RBFOX1: variants seen among roughly 807,000 people sequenced by gnomAD.
RBFOX1 encodes the protein RNA binding fox-1 homolog 1, also known as RNA binding protein fox-1 homolog 1.
RBFOX1 carries 8 observed loss-of-function variants against 57.7 expected under a neutral mutation model. That is an observed-to-expected ratio of 0.14 (90% CI 0.08 to 0.25). RBFOX1 has a LOEUF of 0.25. Among genes scored for constraint, RBFOX1 ranks in the 10% least tolerant of loss-of-function variants. RBFOX1 has a pLI of 1.00. For missense variants in RBFOX1, 611 were observed against 548.5 expected, an observed-to-expected ratio of 1.11 and a Z score of -1.14; for synonymous variants, 326 against 222.4, an observed-to-expected ratio of 1.47 and a Z score of -4.15.
At chr16:6,627,168 C>T (rs553568815) in intron 2 of RBFOX1, among the ~76,000 whole-genome samples, 44 of 152,308 alleles carry the variant, frequency 2.9e-4, no homozygotes, top group South Asian at 1.9e-3. Context: ...ATTACTCCTA[C>T]AACCATATCT....
At chr16:5,952,570 A>G (rs1367607069) in intron 4 of RBFOX1, among the ~76,000 whole-genome samples, 1 of 152,168 alleles carries the variant, frequency 6.6e-6, no homozygotes, top group African/African-American at 2.4e-5. Context: ...TACAGGCATA[A>G]GTCACCATGC....
chr16:7,390,745 A>T (rs986575726), intron 4 of RBFOX1, among the ~76,000 whole-genome samples: 1 of 152,104 alleles, frequency 6.6e-6, no homozygotes, highest in Non-Finnish European at 1.5e-5. Context: ...GCATTTAGAG[A>T]TTTGTTTTTT....
intron 4 of RBFOX1, among the ~76,000 whole-genome samples, chr16:7,156,936 C>T (rs552340739): frequency 2.6e-5 from 4 of 152,128 alleles, no homozygotes; most frequent in Admixed American, 6.6e-5. Flanking sequence ...ATGTGATAAC[C>T]TGTTCTCTTT....
At chr16:6,898,805 A>C (rs777892046) in intron 3 of RBFOX1, among the ~76,000 whole-genome samples, 1 of 151,820 alleles carries the variant, frequency 6.6e-6, no homozygotes, top group African/African-American at 2.4e-5. Flanking sequence ...GTGTCTGTAT[A>C]ACGTGCATGT....
chr16:5,651,687 C>T (rs1432615948), intron 3 of RBFOX1, among the ~76,000 whole-genome samples: 1 of 152,198 alleles, frequency 6.6e-6, no homozygotes, highest in Non-Finnish European at 1.5e-5. Flanking sequence ...TTCAGTCTAA[C>T]TGATTCCGCA....
chr16:6,747,299 C>G (rs1227223305), intron 3 of RBFOX1, among the ~76,000 whole-genome samples: 3 of 152,066 alleles, frequency 2.0e-5, no homozygotes, highest in African/African-American at 7.2e-5. Flanking sequence ...CCCAGCTACT[C>G]AAGAGGCTGA....
At chr16:5,397,258 A>G (rs2066584981) in intron 1 of RBFOX1, among the ~76,000 whole-genome samples, 2 of 152,222 alleles carry the variant, frequency 1.3e-5, no homozygotes, top group Admixed American at 1.3e-4. Context: ...CTCTGGTTTC[A>G]TGGTATCCTC....
intron 3 of RBFOX1, among the ~76,000 whole-genome samples, chr16:5,799,695 G>T (rs1287827586): frequency 6.6e-6 from 1 of 152,090 alleles, no homozygotes; most frequent in Non-Finnish European, 1.5e-5. Context: ...GTGATGTTCG[G>T]TTGGTGAGGC....
At chr16:5,256,988 G>T (rs2062605376) in intron 1 of RBFOX1, among the ~76,000 whole-genome samples, 1 of 152,016 alleles carries the variant, frequency 6.6e-6, no homozygotes, top group Non-Finnish European at 1.5e-5. Flanking sequence ...TCTCCTGGGG[G>T]AGGCAATTTG....
At chr16:7,438,831 C>A (rs944884789) in intron 4 of RBFOX1, among the ~76,000 whole-genome samples, 1 of 152,136 alleles carries the variant, frequency 6.6e-6, no homozygotes, top group African/African-American at 2.4e-5. Context: ...GACTTTCAAC[C>A]ACGCCAAGCA....
At chr16:6,663,648 C>T (rs1214407263) in intron 3 of RBFOX1, among the ~76,000 whole-genome samples, 4 of 152,172 alleles carry the variant, frequency 2.6e-5, no homozygotes, top group Non-Finnish European at 5.9e-5. Flanking sequence ...TCACAGAGTC[C>T]CCTGGGGATT....
intron 3 of RBFOX1, among the ~76,000 whole-genome samples, chr16:6,829,644 C>G (rs72766779): frequency 0.068 from 10,373 of 152,072 alleles, 465 homozygotes; most frequent in Non-Finnish European, 0.098. Context: ...CTCTGTCACC[C>G]ATACGGCAGT....
At chr16:6,740,084 A>G (rs1245345324) in intron 3 of RBFOX1, among the ~76,000 whole-genome samples, 2 of 152,210 alleles carry the variant, frequency 1.3e-5, no homozygotes, top group African/African-American at 2.4e-5. Context: ...CTAATGAGGA[A>G]TAGTCCAGTA....
intron 4 of RBFOX1, among the ~76,000 whole-genome samples, chr16:7,102,552 C>T (rs777673964): frequency 7.2e-5 from 11 of 152,066 alleles, no homozygotes; most frequent in Non-Finnish European, 1.3e-4. Flanking sequence ...TTAAGGTTTG[C>T]GGCTTGGATA....
intron 3 of RBFOX1, among the ~76,000 whole-genome samples, chr16:6,699,651 C>T (rs776420014): frequency 1.7e-4 from 26 of 152,132 alleles, no homozygotes; most frequent in African/African-American, 6.0e-4. Context: ...CATCTGTCAA[C>T]CAGCCCCTGC....
chr16:7,067,071 C>G (rs2056232589), intron 4 of RBFOX1, among the ~76,000 whole-genome samples: 1 of 152,128 alleles, frequency 6.6e-6, no homozygotes, highest in Admixed American at 6.5e-5. Context: ...TGAAGGGACA[C>G]ACACAGAATC....
At position 6,916,920 on chromosome 16, in the gene RBFOX1, G is replaced by T. The variant is rs573873998; in HGVS notation, c.-15-135137G>T. On this transcript the variant is annotated intron_variant, in intron 3 of 15. Transcript: ENST00000550418. ...GCTAGAGTGCAGTGACATAATCTCG[G>T]CTCACTGCAACCTCCACCTTCCAGG... is the stretch of plus-strand genomic sequence containing the variant. 1.3e-3 allele frequency among the ~76,000 whole-genome samples: 205 copies of T among 152,222 alleles called. 1 individual carries two copies. Among genetic ancestry groups the T allele is most frequent in the Non-Finnish European group, 2.5e-3 (168 of 68,024 alleles).
intron 4 of RBFOX1, among the ~76,000 whole-genome samples, chr16:5,974,434 C>T (rs1186402804): frequency 3.3e-5 from 5 of 151,644 alleles, no homozygotes; most frequent in Admixed American, 3.3e-4. Context: ...CATGGTGAAA[C>T]CCCGTCCCTA....
intron 5 of RBFOX1, 93 bp from the exon 6 acceptor site, chr16:7,579,684 A>G: frequency 6.7e-7 from 1 of 1,498,466 alleles, no homozygotes; most frequent in Non-Finnish European, 9.2e-7. Context: ...CTTAGTTCTG[A>G]TCTTTTCCTG....
Sources: allele counts gnomAD v4.1 joint callset (sites outside exome capture counted in the v4.1 genomes callset), GRCh38; gene constraint gnomAD v4.1.1; transcripts MANE v1.5; gene names NCBI Gene and HGNC (gene_info 2026-07-23, HGNC 2026-07-21).